The following NOXA1 variants were observed in gnomAD, a reference collection of about 807,000 sequenced individuals.
The protein encoded by NOXA1 is NCF2-like protein.
Under a neutral mutation model 64.8 loss-of-function variants are expected in NOXA1, and 56 were observed. The ratio of observed to expected loss-of-function variants is 0.86; its 90% confidence interval spans 0.70 to 1.08. NOXA1 has a LOEUF of 1.08. Ranked by LOEUF, NOXA1 falls within the 50% of genes least tolerant of loss-of-function variation. The pLI, the probability that NOXA1 is intolerant of heterozygous loss-of-function variation, is 0.00. For synonymous variants in NOXA1, 295 were observed against 294.8 expected, an observed-to-expected ratio of 1.00 and a Z score of -0.01; for missense variants, 668 against 658.5, an observed-to-expected ratio of 1.01 and a Z score of -0.16.
At chr9:137,433,926 A>T in intron 12 of NOXA1, 39 bp from the exon 13 acceptor site, 1 of 1,515,132 alleles carries the variant, frequency 6.6e-7, no homozygotes, top group Non-Finnish European at 8.8e-7. Flanking sequence ...CCCTCCTCCC[A>T]GTGCCCGGCC....
rs1372338517 is a variant in NOXA1, at chr9:137,423,452, C to T, written c.-78C>T. The T allele has an allele frequency of 2.0e-6, 2 of 1,001,274 alleles. No homozygotes were observed. The highest frequency in any genetic ancestry group is 2.5e-6 in the Non-Finnish European group (2 of 790,564). The allele number at this position is 1,001,274 out of a possible 1,614,324, so 62.0% of individuals were successfully genotyped here. On this transcript the variant is annotated 5_prime_UTR_variant, in exon 1 of 14. Transcript: ENST00000683555. ...TCTGCCCGCCTCGGAGACCCCGCAG[C>T]CCCGCGCCGCCGCCTGGCCCCGGCC...
rs1839106326 is a variant in NOXA1, at chr9:137,431,442, G to T, written c.804+101G>T. On this transcript the variant is annotated intron_variant, in intron 8 of 13. Transcript: ENST00000683555. This position sits in a 1 kb window ranked among gnomAD's most constrained non-coding sequence, Gnocchi z 5.6. ...GACCAACATGAGGGTGGAGGGAGCA[G>T]CTCGCTGGGGGGTAGACGGGGCCGG... The T allele has an allele frequency of 3.0e-6, 3 of 996,776 alleles. No homozygotes were observed. Among genetic ancestry groups the T allele is most frequent in the Non-Finnish European group, 4.6e-6 (3 of 658,446 alleles). The allele number at this position is 996,776 out of a possible 1,614,324, so 61.7% of individuals were successfully genotyped here. A position where few individuals can be genotyped will look rare whatever the true frequency, so the allele number is the denominator to read the frequency against.
chr9:137,427,921 G>T, intron 2 of NOXA1, 112 bp from the exon 3 acceptor site: 1 of 697,082 alleles, frequency 1.4e-6, no homozygotes, highest in African/African-American at 1.8e-5. Context: ...CCTCCCTCAG[G>T]TCTCCTTGGA....
chr9:137,426,883 G>A (rs1414514270), intron 2 of NOXA1, among the ~76,000 whole-genome samples: 4 of 152,136 alleles, frequency 2.6e-5, no homozygotes, highest in Non-Finnish European at 5.9e-5. Context: ...TGCAACCTCC[G>A]CCTCCTGGGT....
chr9:137,423,811 C>G, intron 1 of NOXA1, 105 bp downstream of exon 1: 1 of 994,902 alleles, frequency 1.0e-6, no homozygotes, highest in Non-Finnish European at 1.3e-6. Flanking sequence ...CCTGCCGCCC[C>G]CGACCCAGCG....
Position 137,423,444 on chromosome 9 carries a change from C to T in NOXA1, c.-86C>T. On this transcript the variant is annotated 5_prime_UTR_variant, in exon 1 of 14. Coordinates refer to ENST00000683555, the MANE Select transcript of NOXA1 (RefSeq NM_001256067.2). ...CCCGCACCTCTGCCCGCCTCGGAGA[C>T]CCCGCAGCCCCGCGCCGCCGCCTGG... 1.1e-6 allele frequency: 1 copy of T among 915,604 alleles called. No homozygotes were observed. The highest frequency in any genetic ancestry group is 1.4e-6 in the Non-Finnish European group (1 of 715,106). 56.7% of individuals were successfully genotyped at this position (915,604 alleles called of 1,614,324 possible).
chr9:137,424,452 C>T (rs1241684260), intron 1 of NOXA1, among the ~76,000 whole-genome samples: 2 of 152,108 alleles, frequency 1.3e-5, no homozygotes, highest in African/African-American at 4.8e-5. Context: ...TTGTTTGTTT[C>T]AAAGATGGAG....
chr9:137,434,122 G>A (rs202074673), intron 13 of NOXA1, 43 bp downstream of exon 13: 18 of 1,581,040 alleles, frequency 1.1e-5, no homozygotes, highest in Middle Eastern at 1.7e-4. Context: ...CGTGGTGCCC[G>A]GGGTGTGGGG....
rs369490173 is a variant in NOXA1, at chr9:137,426,216, C to A, written c.178-32C>A. 3.1e-6 allele frequency: 5 copies of A among 1,592,844 alleles called. No homozygotes were observed. In the African/African-American group the frequency reaches 4.0e-5, roughly 13 times the overall value. ...TGATGCTGCGTGACCAGGTTACAGA[C>A]CTTGGCATCCCGTGGGCATTTTTGT... On this transcript the variant is annotated intron_variant, in intron 1 of 13. Transcript: ENST00000683555.
intron 5 of NOXA1, among the ~76,000 whole-genome samples, chr9:137,430,338 C>T (rs1248858402): frequency 1.3e-5 from 2 of 152,144 alleles, no homozygotes; most frequent in African/African-American, 4.8e-5. Context: ...TCCTGGTGGG[C>T]AAAGACTGGG....
chr9:137,430,161 C>T (rs1214482818), intron 5 of NOXA1, among the ~76,000 whole-genome samples: 1 of 151,924 alleles, frequency 6.6e-6, no homozygotes, highest in Non-Finnish European at 1.5e-5. Flanking sequence ...TCCCTGTGTC[C>T]CTGCCACAGA....
intron 1 of NOXA1, among the ~76,000 whole-genome samples, chr9:137,425,435 G>T (rs1419985563): frequency 6.6e-6 from 1 of 152,062 alleles, no homozygotes; most frequent in African/African-American, 2.4e-5. Flanking sequence ...TTGCAGGCTG[G>T]AGTGCAGTGG....
At position 137,432,983 on chromosome 9, in the gene NOXA1, C is replaced by T. The variant is rs1839180990; in HGVS notation, c.805-46C>T. On this transcript the variant is annotated intron_variant, in intron 8 of 13. Transcript: ENST00000683555. ...GCTCTGCGAGGACAGTACCGGCCTC[C>T]AGCACCTGACCGCCCCAGCCCACCC... 3 of 1,608,274 alleles carry T rather than the reference C, an allele frequency of 1.9e-6. No homozygotes were observed. The African/African-American group carries it at 4.0e-5, about 21-fold the overall frequency.
chr9:137,425,448 C>T (rs944722517), intron 1 of NOXA1, among the ~76,000 whole-genome samples: 2 of 151,750 alleles, frequency 1.3e-5, no homozygotes, highest in Non-Finnish European at 2.9e-5. Context: ...TGCAGTGGTG[C>T]GATCTTGGCT....
Position 137,423,600 on chromosome 9 carries a change from C to A in NOXA1, c.71C>A (p.Ala24Asp). 1 of 1,479,272 alleles carries A rather than the reference C, an allele frequency of 6.8e-7. No homozygotes were observed. The allele number at this position is 1,479,272 out of a possible 1,614,324, so 91.6% of individuals were successfully genotyped here. Residue 24 changes from alanine to aspartate, a missense_variant, in exon 1 of 14, where the codon GCC becomes GAC. Transcript: ENST00000683555. The part of the protein sequence containing the change: ...GAQAVDRGDW[A>D]RALHLFSGVP... The stretch of plus-strand genomic sequence containing the variant: ...CAGGCTGTGGATCGTGGGGACTGGG[C>A]CCGCGCCTTGCACCTCTTCTCGGGC...
intron 5 of NOXA1, 41 bp downstream of exon 5, chr9:137,429,424 C>T: frequency 7.2e-7 from 1 of 1,394,804 alleles, no homozygotes; most frequent in Non-Finnish European, 9.9e-7. Context: ...GCGGCTGGTG[C>T]TGAGCCCTCG....
At position 137,430,773 on chromosome 9, in the gene NOXA1, G is replaced by T; in HGVS notation, c.613-11G>T. ...TGATCCCTGACCCAGCGTCCCCACT[G>T]TCCCCGCCAGGTGGTGGCCTCTGCC... On this transcript the variant is annotated splice_polypyrimidine_tract_variant and intron_variant, in intron 5 of 13. Transcript: ENST00000683555. 6.3e-7 allele frequency: 1 copy of T among 1,591,798 alleles called. No homozygotes were observed. Among genetic ancestry groups the T allele is most frequent in the Non-Finnish European group, 8.5e-7 (1 of 1,175,008 alleles).
chr9:137,434,180 C>A, intron 13 of NOXA1, 44 bp from the exon 14 acceptor site: 1 of 1,586,088 alleles, frequency 6.3e-7, no homozygotes, highest in Non-Finnish European at 8.6e-7. Context: ...ACCCAGAGGC[C>A]ACGCCTGGGT....
At chr9:137,429,519 C>G (rs1296021369) in intron 5 of NOXA1, 136 bp downstream of exon 5, 1 of 638,780 alleles carries the variant, frequency 1.6e-6, no homozygotes, top group African/African-American at 1.9e-5. Flanking sequence ...CAGCCATCCT[C>G]AAACTGGCGC....
Sources: gnomAD v4.1 joint callset for allele counts (sites outside exome capture counted in the v4.1 genomes callset) on GRCh38, gnomAD v4.1.1 for gene constraint, Gnocchi (gnomAD v3.1) non-coding constraint, MANE v1.5 for transcripts, NCBI Gene and HGNC (gene_info 2026-07-23, HGNC 2026-07-21) for gene names.